Variants in SCP2 observed in about 807,000 individuals in gnomAD.
SCP2 encodes the protein sterol carrier protein 2, also known as SCP-2/3-oxoacyl-CoA thiolase.
In SCP2, 48 loss-of-function variants were observed where a neutral mutation model predicts 71.4. The observed-to-expected ratio is 0.67, with a 90% CI of 0.53 to 0.86. SCP2 has a LOEUF of 0.86. Among genes scored for constraint, SCP2 ranks in the 40% least tolerant of loss-of-function variants. SCP2 has a pLI of 0.00. For synonymous variants in SCP2, 220 were observed against 218.1 expected, an observed-to-expected ratio of 1.01 and a Z score of -0.08; for missense variants, 560 against 655.6, an observed-to-expected ratio of 0.85 and a Z score of 1.59.
chr1:53,034,272 T>TA (rs879389032), intron 13 of SCP2, among the ~76,000 whole-genome samples: 33 of 144,190 alleles, frequency 2.3e-4, no homozygotes, highest in South Asian at 6.6e-4. Flanking sequence ...TGACTCCATT[T>TA]AAAAAAAAAA....
chr1:53,037,788 C>A (rs1275813647), intron 13 of SCP2, among the ~76,000 whole-genome samples: 3 of 151,734 alleles, frequency 2.0e-5, no homozygotes, highest in Admixed American at 2.0e-4. Context: ...ACCCCTGTAT[C>A]CCAGCACTTT....
Position 52,999,212 on chromosome 1 carries a change from TG to T in SCP2, c.1081+11078del, listed in dbSNP as rs200652343. On this transcript the variant is annotated intron_variant, in intron 11 of 15. Coordinates refer to ENST00000371514, the MANE Select transcript of SCP2 (RefSeq NM_002979.5). ...GATTTGGATATACTTCGAGGAAATC[TG>T]GCACATGGCCATTAGCTGTAATGTG... is the stretch of plus-strand genomic sequence containing the variant. Among the ~76,000 whole-genome samples, 1,277 of 152,356 alleles carry T rather than the reference TG, an allele frequency of 8.4e-3. 6 individuals carry two copies. The highest frequency in any genetic ancestry group is 0.015 in the Non-Finnish European group (988 of 68,036).
chr1:52,990,445 G>C (rs970518470), intron 11 of SCP2, among the ~76,000 whole-genome samples: 1 of 151,980 alleles, frequency 6.6e-6, no homozygotes, highest in African/African-American at 2.4e-5. Flanking sequence ...CTAAAGGAAA[G>C]TATGAGAACA....
intron 11 of SCP2, among the ~76,000 whole-genome samples, chr1:52,991,765 T>C (rs1009745885): frequency 6.6e-6 from 1 of 152,138 alleles, no homozygotes; most frequent in Admixed American, 6.5e-5. Context: ...GAATGTTCTT[T>C]AATTTGGTTT....
intron 8 of SCP2, among the ~76,000 whole-genome samples, chr1:52,977,588 A>G (rs1237409273): frequency 6.6e-6 from 1 of 152,192 alleles, no homozygotes; most frequent in African/African-American, 2.4e-5. Context: ...TTGTATTAGG[A>G]TAGGAATAAC....
At chr1:52,954,558 C>G (rs1225095452) in intron 4 of SCP2, among the ~76,000 whole-genome samples, 182 bp from the exon 5 acceptor site, 1 of 152,102 alleles carries the variant, frequency 6.6e-6, no homozygotes, top group Non-Finnish European at 1.5e-5. Context: ...ACTATGTTGC[C>G]TGGCTGGTCT....
chr1:52,942,857 G>A (rs1654394438), intron 2 of SCP2, among the ~76,000 whole-genome samples: 1 of 151,840 alleles, frequency 6.6e-6, no homozygotes, highest in South Asian at 2.1e-4. Flanking sequence ...ACACCTCCAC[G>A]CCAGGCTAAT....
At chr1:52,966,867 T>C (rs1395014943) in intron 6 of SCP2, among the ~76,000 whole-genome samples, 5 of 151,418 alleles carry the variant, frequency 3.3e-5, no homozygotes, top group Admixed American at 2.0e-4. Context: ...TACTCCAGCC[T>C]GGGTGACAGG....
At chr1:52,986,108 G>A (rs891873733) in intron 10 of SCP2, among the ~76,000 whole-genome samples, 1 of 152,086 alleles carries the variant, frequency 6.6e-6, no homozygotes, top group African/African-American at 2.4e-5. Context: ...TACAGAACAG[G>A]TATAATAATT....
At chr1:53,010,286 C>G (rs112801137) in intron 11 of SCP2, among the ~76,000 whole-genome samples, 1 of 152,012 alleles carries the variant, frequency 6.6e-6, no homozygotes, top group Non-Finnish European at 1.5e-5. Context: ...GGGTATATAC[C>G]CAAAGGATTA....
chr1:52,954,313 CAA>C (rs554851573), intron 4 of SCP2, among the ~76,000 whole-genome samples: 6 of 130,056 alleles, frequency 4.6e-5, no homozygotes, highest in Non-Finnish European at 5.0e-5. Context: ...AACTTTGTGT[CAA>C]AAAAAAAAAG....
chr1:52,990,561 C>T (rs1572150843), intron 11 of SCP2, among the ~76,000 whole-genome samples: 2 of 151,578 alleles, frequency 1.3e-5, no homozygotes, highest in Middle Eastern at 3.4e-3. Flanking sequence ...AGTGAAACAC[C>T]GTCTCTACTA....
chr1:52,998,137 A>T (rs1335573672), intron 11 of SCP2, among the ~76,000 whole-genome samples: 1 of 152,156 alleles, frequency 6.6e-6, no homozygotes, highest in African/African-American at 2.4e-5. Context: ...TTGCTTATCC[A>T]TTGTCCTGTG....
Position 53,002,502 on chromosome 1 carries a change from G to A in SCP2, c.1082-12388G>A, listed in dbSNP as rs12097717. ...AAATGGAATAGGTTGCCTCCTGAGA[G>A]CATGCATTTACCTGTCAGAGAGGCT... On this transcript the variant is annotated intron_variant, in intron 11 of 15. Coordinates refer to ENST00000371514, the MANE Select transcript of SCP2 (RefSeq NM_002979.5). Among the ~76,000 whole-genome samples the A allele has an allele frequency of 6.6e-3, 1,003 of 152,298 alleles. 7 individuals carry two copies. Among genetic ancestry groups the A allele is most frequent in the African/African-American group, 0.022 (922 of 41,568 alleles).
At chr1:53,018,170 A>G (rs563974521) in intron 12 of SCP2, among the ~76,000 whole-genome samples, 11 of 152,306 alleles carry the variant, frequency 7.2e-5, no homozygotes, top group Non-Finnish European at 1.2e-4. Context: ...TTCTTTTTCA[A>G]TTAGAACCTG....
chr1:52,993,016 G>T (rs1659636839), intron 11 of SCP2, among the ~76,000 whole-genome samples: 1 of 152,132 alleles, frequency 6.6e-6, no homozygotes, highest in Non-Finnish European at 1.5e-5. Flanking sequence ...TTTCCTTTAA[G>T]TTTGTCTGGA....
chr1:52,981,759 G>C (rs548955450), intron 10 of SCP2, among the ~76,000 whole-genome samples: 14 of 150,000 alleles, frequency 9.3e-5, no homozygotes, highest in African/African-American at 3.4e-4. Context: ...ATTACATGTT[G>C]AATGAAAATA....
intron 11 of SCP2, among the ~76,000 whole-genome samples, chr1:53,011,651 T>C (rs79128921): frequency 0.037 from 5,638 of 152,260 alleles, 210 homozygotes; most frequent in East Asian, 0.2. Flanking sequence ...ATCTGAAGTA[T>C]GAACAGCCTG....
intron 14 of SCP2, among the ~76,000 whole-genome samples, chr1:53,046,480 C>T (rs981007438): frequency 3.1e-4 from 47 of 152,026 alleles, no homozygotes; most frequent in African/African-American, 1.1e-3. Flanking sequence ...TTATATAATG[C>T]CTACATGTGT....
Sources: gnomAD v4.1 joint callset for allele counts (sites outside exome capture counted in the v4.1 genomes callset) on GRCh38, gnomAD v4.1.1 for gene constraint, MANE v1.5 for transcripts, NCBI Gene and HGNC (gene_info 2026-07-23, HGNC 2026-07-21) for gene names.